The following DENND10 variants were observed in gnomAD, a reference collection of about 807,000 sequenced individuals.
DENND10 encodes DENN domain containing 10, also known as DENN domain-containing protein 10.
In DENND10, 24 loss-of-function variants were observed where a neutral mutation model predicts 43.6. That is an observed-to-expected ratio of 0.55 (90% CI 0.40 to 0.77). DENND10 has a LOEUF of 0.77. Among genes scored for constraint, DENND10 ranks in the 30% least tolerant of loss-of-function variants. The pLI, the probability that DENND10 is intolerant of heterozygous loss-of-function variation, is 0.00. For missense variants in DENND10, 303 were observed against 429.9 expected, an observed-to-expected ratio of 0.70 and a Z score of 2.61; for synonymous variants, 125 against 157.6, an observed-to-expected ratio of 0.79 and a Z score of 1.55.
intron 6 of DENND10, among the ~76,000 whole-genome samples, chr10:119,129,013 T>C (rs1410345607): frequency 6.6e-6 from 1 of 152,174 alleles, no homozygotes; most frequent in Non-Finnish European, 1.5e-5. Flanking sequence ...TCAAATAATT[T>C]TTTTTTTTGG....
chr10:119,126,931 C>T (rs1845863868), intron 6 of DENND10, among the ~76,000 whole-genome samples: 1 of 147,056 alleles, frequency 6.8e-6, no homozygotes, highest in Non-Finnish European at 1.5e-5. Context: ...CAGGGTCTTG[C>T]TCTGTCGCCC....
At chr10:119,110,345 A>G (rs974401989) in intron 2 of DENND10, among the ~76,000 whole-genome samples, 22 of 151,818 alleles carry the variant, frequency 1.4e-4, no homozygotes, top group Non-Finnish European at 7.4e-5. Flanking sequence ...TTCATTTTAA[A>G]TGTATCTCTT....
intron 1 of DENND10, among the ~76,000 whole-genome samples, chr10:119,107,364 GT>G (rs1393976039): frequency 2.7e-5 from 4 of 149,422 alleles, no homozygotes; most frequent in Non-Finnish European, 5.9e-5. Context: ...ATAAGCATTT[GT>G]GTGGGAGGAG....
chr10:119,115,476 C>A (rs1845213068), intron 3 of DENND10, among the ~76,000 whole-genome samples: 3 of 101,832 alleles, frequency 2.9e-5, no homozygotes, highest in Admixed American at 2.4e-4. Flanking sequence ...CAAGCTCCGC[C>A]TCCCGGGTTC....
intron 6 of DENND10, among the ~76,000 whole-genome samples, chr10:119,124,242 T>C (rs551398287): frequency 6.6e-6 from 1 of 150,558 alleles, no homozygotes; most frequent in Non-Finnish European, 1.5e-5. Flanking sequence ...TTACCTTTTT[T>C]TGGCCGGGCG....
At chr10:119,125,309 A>G (rs1239093473) in intron 6 of DENND10, among the ~76,000 whole-genome samples, 1 of 150,560 alleles carries the variant, frequency 6.6e-6, no homozygotes, top group African/African-American at 2.4e-5. Flanking sequence ...TTTATCAGTG[A>G]CTTTTTTTTT....
intron 7 of DENND10, among the ~76,000 whole-genome samples, chr10:119,130,955 A>G (rs191292801): frequency 1.3e-3 from 195 of 152,372 alleles, no homozygotes; most frequent in Non-Finnish European, 1.8e-3. Context: ...TTTAGTCAAC[A>G]CTTGAGAGAG....
At chr10:119,121,273 A>C (rs552572634) in intron 5 of DENND10, among the ~76,000 whole-genome samples, 7 of 147,974 alleles carry the variant, frequency 4.7e-5, no homozygotes, top group African/African-American at 1.8e-4. Context: ...ACTTGTTATT[A>C]GGTCCTTTTA....
rs574462202 is a variant in DENND10, at chr10:119,118,733, C to T, written c.481+1066C>T. On this transcript the variant is annotated intron_variant, in intron 4 of 8. Coordinates refer to ENST00000361432, the MANE Select transcript of DENND10 (RefSeq NM_207009.4). ...TTACTGAGGCTGAAGTGCAGTGGTA[C>T]AATTACGGCTCACTGTAGCCTTAAC... Among the ~76,000 whole-genome samples, 545 of 151,870 alleles carry T rather than the reference C, an allele frequency of 3.6e-3. 4 individuals are homozygous for T. The highest frequency in any genetic ancestry group is 7.9e-3 in the South Asian group (38 of 4,808).
chr10:119,117,381 A>G (rs1402158763), intron 3 of DENND10, 138 bp from the exon 4 acceptor site: 3 of 859,946 alleles, frequency 3.5e-6, no homozygotes, highest in Non-Finnish European at 5.4e-6. Context: ...CAAAAAAAAC[A>G]GAAGAGTGAA....
At chr10:119,125,699 T>C (rs1185885753) in intron 6 of DENND10, among the ~76,000 whole-genome samples, 1 of 151,170 alleles carries the variant, frequency 6.6e-6, no homozygotes, top group Admixed American at 6.6e-5. Flanking sequence ...TGGTAGAGAG[T>C]AGAGATGGGG....
chr10:119,129,348 C>A (rs914194175), intron 6 of DENND10, 167 bp from the exon 7 acceptor site: 4 of 596,146 alleles, frequency 6.7e-6, no homozygotes, highest in Non-Finnish European at 1.2e-5. Flanking sequence ...TATCTTCAGG[C>A]AACTGATAGT....
chr10:119,111,482 G>A (rs1453718015), intron 2 of DENND10, among the ~76,000 whole-genome samples: 1 of 151,826 alleles, frequency 6.6e-6, no homozygotes, highest in Non-Finnish European at 1.5e-5. Flanking sequence ...GTAAAAAAGT[G>A]TGGAGGAGAA....
At chr10:119,106,270 ATTTCT>A (rs1470667707) in intron 1 of DENND10, among the ~76,000 whole-genome samples, 5 of 152,136 alleles carry the variant, frequency 3.3e-5, no homozygotes, top group Admixed American at 6.6e-5. Context: ...TAGTATAATG[ATTTCT>A]TTTCCTTTCG....
At chr10:119,115,259 G>A (rs1845193112) in intron 3 of DENND10, among the ~76,000 whole-genome samples, 1 of 151,610 alleles carries the variant, frequency 6.6e-6, no homozygotes, top group Admixed American at 6.6e-5. Context: ...TATCAGAGAA[G>A]TTTTTCTCCC....
chr10:119,123,602 TCA>T, intron 6 of DENND10, 33 bp downstream of exon 6: 9 of 1,403,746 alleles, frequency 6.4e-6, no homozygotes, highest in East Asian at 2.4e-5. Flanking sequence ...AGGAACTGTT[TCA>T]CTTTTTTTTT....
intron 7 of DENND10, among the ~76,000 whole-genome samples, chr10:119,130,008 T>G (rs755131471): frequency 3.1e-4 from 47 of 151,626 alleles, no homozygotes; most frequent in Non-Finnish European, 6.0e-4. Flanking sequence ...TTTTCTTTTC[T>G]TCTTCTTTTT....
chr10:119,106,365 G>C (rs1387062208), intron 1 of DENND10, among the ~76,000 whole-genome samples: 1 of 152,180 alleles, frequency 6.6e-6, no homozygotes, highest in Middle Eastern at 3.2e-3. Context: ...AGTCTTTAGA[G>C]ACAGGGTCTC....
chr10:119,130,751 T>A (rs1846048582), intron 7 of DENND10, among the ~76,000 whole-genome samples: 1 of 152,202 alleles, frequency 6.6e-6, no homozygotes. Flanking sequence ...GCATGGCTGT[T>A]GGCAGGAGGC....
Sources: gnomAD v4.1 joint callset for allele counts (sites outside exome capture counted in the v4.1 genomes callset) on GRCh38, gnomAD v4.1.1 for gene constraint, MANE v1.5 for transcripts, NCBI Gene and HGNC (gene_info 2026-07-23, HGNC 2026-07-21) for gene names.